The following GAS2 variants were observed in gnomAD, a reference collection of about 807,000 sequenced individuals.
The protein encoded by GAS2 is growth arrest-specific protein 2.
Under a neutral mutation model 37.5 loss-of-function variants are expected in GAS2, and 20 were observed. The observed-to-expected ratio is 0.53, with a 90% CI of 0.37 to 0.77. The LOEUF (loss-of-function observed/expected upper bound fraction) is 0.77. GAS2 is among the 30% of genes least tolerant of loss of function. The pLI is 0.00. For missense variants in GAS2, 336 were observed against 373.4 expected (o/e 0.90, Z 0.82); for synonymous variants, 144 against 132.2 (o/e 1.09, Z -0.61).
chr11:22,704,831 G>A (rs570308915), intron 3 of GAS2, among the ~76,000 whole-genome samples: 24 of 151,700 alleles, frequency 1.6e-4, no homozygotes, highest in Admixed American at 3.3e-4. Flanking sequence ...AAATATATAT[G>A]TGTAGAACTA....
chr11:22,633,636 T>G (rs2133807662), intron 1 of GAS2, among the ~76,000 whole-genome samples: 1 of 152,226 alleles, frequency 6.6e-6, no homozygotes, highest in African/African-American at 2.4e-5. Context: ...GCAGAGGTCC[T>G]AACCTTGACA....
chr11:22,762,407 A>T (rs1432064658), intron 7 of GAS2, among the ~76,000 whole-genome samples: 1 of 152,168 alleles, frequency 6.6e-6, no homozygotes, highest in East Asian at 1.9e-4. Context: ...GTGAAAAAAT[A>T]AAGTCTTAGA....
At chr11:22,704,940 A>T (rs896244570) in intron 3 of GAS2, among the ~76,000 whole-genome samples, 9 of 152,092 alleles carry the variant, frequency 5.9e-5, no homozygotes, top group African/African-American at 2.2e-4. Flanking sequence ...GACTTAATTA[A>T]TGCCATGTGA....
intron 7 of GAS2, among the ~76,000 whole-genome samples, chr11:22,792,769 TAGTC>T (rs1226831173): frequency 6.6e-6 from 1 of 152,220 alleles, no homozygotes; most frequent in Non-Finnish European, 1.5e-5. Flanking sequence ...TGGATAGACA[TAGTC>T]AGTGATGAAT....
intron 2 of GAS2, among the ~76,000 whole-genome samples, chr11:22,681,840 T>A (rs1849696515): frequency 1.3e-5 from 2 of 151,974 alleles, no homozygotes; most frequent in South Asian, 4.2e-4. Flanking sequence ...TATATTTTTT[T>A]GAAAAAAATA....
At position 22,645,695 on chromosome 11, in the gene GAS2, CAA is replaced by C. The variant is rs1215684350; in HGVS notation, c.-21+19884_-21+19885del. On this transcript the variant is annotated intron_variant, in intron 1 of 5. Transcript: ENST00000528582. Reference sequence around the variant, plus strand: ...ATAATTCCAAATAAATAAAGAATGTCAAATTTTATAGTGAAAATTTTTGTTAG... The same window carrying C: ...ATAATTCCAAATAAATAAAGAATGTCATTTTATAGTGAAAATTTTTGTTAG... Among the ~76,000 whole-genome samples the C allele has an allele frequency of 2.6e-5, 4 of 151,890 alleles. No homozygotes were observed. The East Asian group carries it at 7.7e-4, about 29-fold the overall frequency.
intron 7 of GAS2, among the ~76,000 whole-genome samples, chr11:22,784,581 C>T (rs1032659538): frequency 3.3e-5 from 5 of 152,138 alleles, no homozygotes; most frequent in Admixed American, 3.3e-4. Context: ...AGTCATTGCT[C>T]ACAATGTAAA....
intron 3 of GAS2, among the ~76,000 whole-genome samples, chr11:22,723,529 A>G (rs1375451384): frequency 6.6e-6 from 1 of 151,960 alleles, no homozygotes. Flanking sequence ...ATTAAGTGTC[A>G]AATCAATCTC....
intron 5 of GAS2, among the ~76,000 whole-genome samples, chr11:22,738,739 T>G (rs1388907438): frequency 3.3e-5 from 5 of 152,210 alleles, no homozygotes; most frequent in Non-Finnish European, 7.3e-5. Flanking sequence ...TTAATAGACC[T>G]TTCTTTGATC....
At chr11:22,721,708 T>C (rs550072367) in intron 3 of GAS2, among the ~76,000 whole-genome samples, 4 of 152,168 alleles carry the variant, frequency 2.6e-5, no homozygotes, top group East Asian at 1.9e-4. Flanking sequence ...CCATATTGGT[T>C]AGCACAGATA....
intron 1 of GAS2, among the ~76,000 whole-genome samples, chr11:22,641,417 A>G (rs762147154): frequency 5.2e-4 from 78 of 150,694 alleles, no homozygotes; most frequent in Non-Finnish European, 4.1e-4. Flanking sequence ...TTACATACAT[A>G]TACATGTGCC....
At chr11:22,755,504 A>T (rs1349188422) in intron 6 of GAS2, 1 of 169,184 alleles carries the variant, frequency 5.9e-6, no homozygotes, top group Non-Finnish European at 1.3e-5. Context: ...GTTGACCTTG[A>T]CAACCCAAAT....
At chr11:22,734,877 C>T (rs1271519112) in intron 4 of GAS2, among the ~76,000 whole-genome samples, 1 of 151,746 alleles carries the variant, frequency 6.6e-6, no homozygotes, top group Non-Finnish European at 1.5e-5. Context: ...AGACCTTGCT[C>T]TAGTGCCACT....
chr11:22,759,549 TG>T (rs1470452049), intron 7 of GAS2, among the ~76,000 whole-genome samples: 2 of 152,218 alleles, frequency 1.3e-5, no homozygotes, highest in Non-Finnish European at 2.9e-5. Flanking sequence ...AGAGCAACAT[TG>T]TTTTTTTGAA....
At chr11:22,646,650 A>G (rs1348101962) in intron 1 of GAS2, among the ~76,000 whole-genome samples, 1 of 152,228 alleles carries the variant, frequency 6.6e-6, no homozygotes, top group Admixed American at 6.5e-5. Flanking sequence ...TATTTTAGAA[A>G]CAGAGAGCCA....
At chr11:22,792,797 T>C (rs934301030) in intron 7 of GAS2, among the ~76,000 whole-genome samples, 4 of 152,240 alleles carry the variant, frequency 2.6e-5, no homozygotes, top group Non-Finnish European at 4.4e-5. Context: ...TTAATTCTTC[T>C]GGACTTCATC....
At chr11:22,727,828 G>A (rs780254493) in intron 4 of GAS2, among the ~76,000 whole-genome samples, 16 of 151,984 alleles carry the variant, frequency 1.1e-4, no homozygotes, top group Non-Finnish European at 2.1e-4. Context: ...TTAACTTTCA[G>A]GTTTGTAGGA....
chr11:22,663,572 T>G (rs1848940486), upstream of GAS2, among the ~76,000 whole-genome samples: 2 of 152,172 alleles, frequency 1.3e-5, no homozygotes, highest in African/African-American at 4.8e-5. Flanking sequence ...AGGAGGGAAT[T>G]AATATTTATG....
intron 1 of GAS2, among the ~76,000 whole-genome samples, chr11:22,644,861 T>G (rs1053012116): frequency 6.6e-6 from 1 of 152,154 alleles, no homozygotes; most frequent in Non-Finnish European, 1.5e-5. Flanking sequence ...GGACTCAAAG[T>G]GATCTGCCTG....
Sources: allele counts gnomAD v4.1 joint callset (sites outside exome capture counted in the v4.1 genomes callset), GRCh38; gene constraint gnomAD v4.1.1; transcripts MANE v1.5; gene names NCBI Gene and HGNC (gene_info 2026-07-23, HGNC 2026-07-21).